RASEF: variants seen among roughly 807,000 people sequenced by gnomAD.
RASEF encodes RAS and EF-hand domain containing.
Under a neutral mutation model 90.1 loss-of-function variants are expected in RASEF, and 68 were observed. The observed-to-expected ratio is 0.75, with a 90% confidence interval of 0.62 to 0.92. RASEF has a LOEUF of 0.92. Among genes scored for constraint, RASEF ranks in the 40% least tolerant of loss-of-function variants. The probability of loss-of-function intolerance (pLI) is 0.00; values close to 1 mark genes in which losing one functional copy is unlikely to be tolerated. For synonymous variants in RASEF, 331 were observed against 345.2 expected, an observed-to-expected ratio of 0.96 and a Z score of 0.46; for missense variants, 949 against 937.2, an observed-to-expected ratio of 1.01 and a Z score of -0.16.
chr9:83,196,966 C>A, the RASEF span, among the ~76,000 whole-genome samples: 1 of 152,184 alleles, frequency 6.6e-6, no homozygotes, highest in African/African-American at 2.4e-5. Flanking sequence ...CATATGGTTC[C>A]CTAAACAGAA....
chr9:83,080,883 T>TAACA, the RASEF span, among the ~76,000 whole-genome samples: 1 of 152,196 alleles, frequency 6.6e-6, no homozygotes, highest in Non-Finnish European at 1.5e-5. Context: ...AGTTTTTGTT[T>TAACA]TTTAAAAAAT....
rs1375396219 is a variant in RASEF, at chr9:82,998,466, T to C, written c.1724-20A>G. On this transcript the variant is annotated intron_variant, in intron 12 of 16. Coordinates refer to ENST00000376447, the MANE Select transcript of RASEF (RefSeq NM_152573.4). The stretch of plus-strand genomic sequence containing the variant: ...CAACTCCTGAAAAGGAATGTGAGAG[T>C]GGAGAGCACGATGTAAATAATTCCA... The C allele has an allele frequency of 1.4e-6, 2 of 1,470,236 alleles. No individual in the cohort carries two copies. The highest frequency in any genetic ancestry group is 2.3e-5 in the East Asian group (1 of 44,226). 91.1% of individuals were successfully genotyped at this position (1,470,236 alleles called of 1,614,324 possible). A position where few individuals can be genotyped will look rare whatever the true frequency, so the allele number is the denominator to read the frequency against.
In RASEF at chr9:83,000,560, A is replaced by C; in HGVS notation, c.1448T>G (p.Ile483Arg). The change falls in exon 11 of 17, where the codon ATA becomes AGA. Residue 483 changes from isoleucine to arginine, a missense_variant. Around this residue, in one of 3 missense-constraint regions of RASEF, gnomAD observed 288 missense variants for 328.4 expected, o/e 0.88. Transcript: ENST00000376447. The stretch of plus-strand genomic sequence containing the variant: ...TAAACCAAATGTCTCTTCATCCCTT[A>C]TGTCAGGAACCTATTTTTTTTAAAA... ...GDASDTDVPD[I>R]RDEETFGLED... The C allele has an allele frequency of 6.3e-7, 1 of 1,595,236 alleles. No homozygotes were observed. Among genetic ancestry groups the C allele is most frequent in the Non-Finnish European group, 8.5e-7 (1 of 1,174,682 alleles).
chr9:83,062,654 G>T lies in RASEF; in HGVS notation c.214C>A (p.Leu72Ile). Residue 72 changes from leucine (L) to isoleucine (I), a missense_variant, in exon 1 of 17, where the codon CTC becomes ATC. Leu to Ile is a conservative substitution (Grantham distance 5). This residue lies in a region of RASEF where 656 missense variants were observed against 592.2 expected (regional missense o/e 1.11). Coordinates refer to ENST00000376447, the MANE Select transcript of RASEF (RefSeq NM_152573.4). ...ITFQEFARGF[L>I]GSLRGGRRRD... is the part of the protein sequence containing the mutation. ...CGCCGCCCCCCGCGGAGGGACCCGA[G>T]GAAGCCACGCGCGAACTCCTGGAAG... 6.4e-7 allele frequency: 1 copy of T among 1,565,608 alleles called. No individual in the cohort carries two copies. Among genetic ancestry groups the T allele is most frequent in the Non-Finnish European group, 8.6e-7 (1 of 1,163,190 alleles).
At chr9:83,151,992 A>G in the RASEF span, among the ~76,000 whole-genome samples, 1 of 152,208 alleles carries the variant, frequency 6.6e-6, no homozygotes, top group African/African-American at 2.4e-5. Flanking sequence ...TTCAAGGACC[A>G]GAGGCTGTTT....
the RASEF span, among the ~76,000 whole-genome samples, chr9:83,181,839 A>G: frequency 2.0e-5 from 3 of 152,216 alleles, no homozygotes; most frequent in African/African-American, 7.2e-5. Flanking sequence ...AAGTAACATA[A>G]TAAAAATGGT....
intron 1 of RASEF, among the ~76,000 whole-genome samples, chr9:83,046,487 GCATCCCCAAGCAAAC>G (rs775474718): frequency 1.3e-5 from 2 of 152,012 alleles, no homozygotes; most frequent in Non-Finnish European, 2.9e-5. Context: ...TCATTCATTA[GCATCCCCAAGCAAAC>G]CATATCTGCC....
At chr9:83,157,774 T>G in the RASEF span, among the ~76,000 whole-genome samples, 1 of 152,200 alleles carries the variant, frequency 6.6e-6, no homozygotes, top group African/African-American at 2.4e-5. Context: ...TGATAAAAAC[T>G]TGGGCACTGC....
At chr9:83,089,955 T>TAGATAG in the RASEF span, among the ~76,000 whole-genome samples, 127 of 151,506 alleles carry the variant, frequency 8.4e-4, no homozygotes, top group African/African-American at 3.0e-3. Context: ...GATATAGATA[T>TAGATAG]ATAGATATAG....
At chr9:83,195,612 G>A in the RASEF span, among the ~76,000 whole-genome samples, 1 of 152,108 alleles carries the variant, frequency 6.6e-6, no homozygotes, top group South Asian at 2.1e-4. Context: ...CTGCCCTCAT[G>A]GAGCTTACAT....
chr9:83,007,947 A>G (rs911421617), intron 6 of RASEF, among the ~76,000 whole-genome samples: 8 of 151,236 alleles, frequency 5.3e-5, no homozygotes, highest in African/African-American at 1.5e-4. Flanking sequence ...AACTCCATCT[A>G]TTTTCTCCTT....
chr9:83,036,980 C>CT (rs1829752662), intron 1 of RASEF, among the ~76,000 whole-genome samples: 1 of 151,850 alleles, frequency 6.6e-6, no homozygotes, highest in Non-Finnish European at 1.5e-5. Flanking sequence ...GCCCTACATA[C>CT]AGTGGTATCA....
intron 1 of RASEF, among the ~76,000 whole-genome samples, chr9:83,046,325 CTTAT>C (rs908573234): frequency 2.6e-5 from 4 of 152,060 alleles, no homozygotes; most frequent in Non-Finnish European, 4.4e-5. Context: ...ATTATTACTG[CTTAT>C]TTGAGTATTC....
the RASEF span, among the ~76,000 whole-genome samples, chr9:83,217,788 T>G: frequency 6.6e-6 from 1 of 152,200 alleles, no homozygotes; most frequent in Admixed American, 6.5e-5. Flanking sequence ...TTCATAAAAA[T>G]AGAGTTGGGG....
rs1028115155 is a variant in RASEF at position 82,979,867 on chromosome 9, C to T, written c.*2810G>A. Reference sequence around the variant, plus strand: ...TGCCCACAAAAACCATCACTGAAGCCGATCACTGTACAAATATGAAAATAA... The same window carrying T: ...TGCCCACAAAAACCATCACTGAAGCTGATCACTGTACAAATATGAAAATAA... On this transcript the variant is annotated 3_prime_UTR_variant, in exon 17 of 17. Coordinates refer to ENST00000376447, the MANE Select transcript of RASEF (RefSeq NM_152573.4). 8 of 152,106 alleles carry T rather than the reference C, an allele frequency of 5.3e-5. 1 individual carries two copies. The highest frequency in any genetic ancestry group is 1.3e-4 in the Admixed American group (2 of 15,282). The allele number at this position is 152,106 out of a possible 1,614,324, so 9.4% of individuals were successfully genotyped here.
At chr9:83,148,166 A>G in the RASEF span, among the ~76,000 whole-genome samples, 1 of 152,038 alleles carries the variant, frequency 6.6e-6, no homozygotes, top group African/African-American at 2.4e-5. Context: ...CTTGCCTCCT[A>G]TCTGTATCAG....
At chr9:83,124,615 G>C in the RASEF span, among the ~76,000 whole-genome samples, 1 of 152,154 alleles carries the variant, frequency 6.6e-6, no homozygotes. Context: ...GGAGCAACTT[G>C]GTATCTGGGG....
the RASEF span, among the ~76,000 whole-genome samples, chr9:83,077,708 G>A: frequency 6.6e-5 from 10 of 152,268 alleles, no homozygotes; most frequent in South Asian, 1.7e-3. Flanking sequence ...ATTTAATAAC[G>A]AGGTGAAAAT....
At chr9:83,147,053 T>C in the RASEF span, among the ~76,000 whole-genome samples, 13 of 149,390 alleles carry the variant, frequency 8.7e-5, no homozygotes, top group East Asian at 2.5e-3. Context: ...TATATATATA[T>C]ATATATAAAT....
Sources: allele counts gnomAD v4.1 joint callset (sites outside exome capture counted in the v4.1 genomes callset), GRCh38; gene constraint gnomAD v4.1.1; regional missense constraint gnomAD v4.1.1; transcripts MANE v1.5; gene names NCBI Gene and HGNC (gene_info 2026-07-23, HGNC 2026-07-21).